Variants in ST8SIA6 observed in about 807,000 individuals in gnomAD.
ST8SIA6 encodes the protein ST8 alpha-N-acetyl-neuraminide alpha-2,8-sialyltransferase 6.
Under a neutral mutation model 33.6 loss-of-function variants are expected in ST8SIA6, and 39 were observed. The observed-to-expected ratio is 1.16, with a 90% CI of 0.90 to 1.52. The LOEUF (loss-of-function observed/expected upper bound fraction) is 1.52. Among genes scored for constraint, ST8SIA6 ranks in the 40% most tolerant of loss-of-function variants. The probability of loss-of-function intolerance (pLI) is 0.00; values close to 1 mark genes in which losing one functional copy is unlikely to be tolerated. For missense variants in ST8SIA6, 441 were observed against 443.8 expected (o/e 0.99, Z 0.06); for synonymous variants, 172 against 167.2 (o/e 1.03, Z -0.22).
chr10:17,374,204 G>A, intron 3 of ST8SIA6, among the ~76,000 whole-genome samples: 1 of 126,352 alleles, frequency 7.9e-6, no homozygotes. Flanking sequence ...TTAAACTGAG[G>A]GAGTTAAAAA....
chr10:17,380,976 T>C (rs1411116657), intron 3 of ST8SIA6, among the ~76,000 whole-genome samples: 4 of 133,770 alleles, frequency 3.0e-5, no homozygotes, highest in Middle Eastern at 3.6e-3. Context: ...GCCTTCATGT[T>C]TTGAGGGGTT....
intron 4 of ST8SIA6, among the ~76,000 whole-genome samples, chr10:17,339,780 A>G (rs1213537021): frequency 1.3e-5 from 2 of 152,252 alleles, no homozygotes; most frequent in African/African-American, 4.8e-5. Flanking sequence ...TGCAATTAAT[A>G]TTCTCATTTT....
chr10:17,427,035 C>T (rs550775235), intron 2 of ST8SIA6, among the ~76,000 whole-genome samples: 11 of 147,216 alleles, frequency 7.5e-5, no homozygotes, highest in Admixed American at 6.9e-4. Flanking sequence ...AACCCGGAGG[C>T]GGAGGTTGCA....
chr10:17,401,144 A>G (rs1019963682), intron 2 of ST8SIA6, among the ~76,000 whole-genome samples: 5 of 152,262 alleles, frequency 3.3e-5, no homozygotes, highest in African/African-American at 1.2e-4. Context: ...TAACAGACAA[A>G]CAGAGAGCCA....
chr10:17,348,403 C>T (rs1196790213), intron 4 of ST8SIA6, among the ~76,000 whole-genome samples: 1 of 152,166 alleles, frequency 6.6e-6, no homozygotes, highest in Admixed American at 6.5e-5. Context: ...ATTTATGCCA[C>T]TGTCTTTTAT....
intron 3 of ST8SIA6, among the ~76,000 whole-genome samples, chr10:17,371,802 A>G (rs1178814281): frequency 7.4e-6 from 1 of 135,902 alleles, no homozygotes; most frequent in African/African-American, 2.8e-5. Context: ...AAAAAAAAAA[A>G]AGAAAGAAAG....
intron 3 of ST8SIA6, among the ~76,000 whole-genome samples, chr10:17,372,262 T>C (rs1234085515): frequency 6.6e-6 from 1 of 152,346 alleles, no homozygotes; most frequent in Non-Finnish European, 1.5e-5. Flanking sequence ...TGGACGCTTG[T>C]GTAAAATAAG....
In ST8SIA6 at chr10:17,370,324, A is replaced by C. The variant is rs147933100; in HGVS notation, c.291-10724T>G. Among the ~76,000 whole-genome samples the C allele has an allele frequency of 6.9e-3, 1,055 of 152,214 alleles. 6 individuals carry two copies. The highest frequency in any genetic ancestry group is 0.011 in the Non-Finnish European group (727 of 68,008). On this transcript the variant is annotated intron_variant, in intron 3 of 7. Transcript: ENST00000377602. ...TTGATTGGGTGATTTAATCCATTCA[A>C]ATTTAATGTTGTTATTTATATAGTT...
At chr10:17,376,697 A>C (rs541235915) in intron 3 of ST8SIA6, among the ~76,000 whole-genome samples, 2 of 152,344 alleles carry the variant, frequency 1.3e-5, no homozygotes, top group East Asian at 1.9e-4. Context: ...TAAGTTTGTC[A>C]TACTAAAAAA....
intron 2 of ST8SIA6, among the ~76,000 whole-genome samples, chr10:17,435,302 T>G (rs1377399402): frequency 5.9e-5 from 9 of 152,118 alleles, no homozygotes; most frequent in Non-Finnish European, 8.8e-5. Flanking sequence ...CCAAGTCCCC[T>G]AAATGTCCAG....
chr10:17,410,139 T>A (rs1300091531), intron 2 of ST8SIA6: 1 of 152,226 alleles, frequency 6.6e-6, no homozygotes, highest in Non-Finnish European at 1.5e-5. Context: ...TTCTAAAGAC[T>A]GTTTGGGGTT....
At chr10:17,330,038 C>T (rs943845577) in intron 5 of ST8SIA6, among the ~76,000 whole-genome samples, 2 of 151,984 alleles carry the variant, frequency 1.3e-5, no homozygotes, top group Non-Finnish European at 2.9e-5. Context: ...ACATTTCCAC[C>T]ACGAGCCCCG....
At chr10:17,375,653 A>G (rs552120347) in intron 3 of ST8SIA6, among the ~76,000 whole-genome samples, 2 of 152,348 alleles carry the variant, frequency 1.3e-5, no homozygotes, top group Admixed American at 1.3e-4. Context: ...TGCAAGGCAG[A>G]TGTTCCAAAT....
At chr10:17,396,588 A>C (rs182723333) in intron 2 of ST8SIA6, among the ~76,000 whole-genome samples, 1 of 152,096 alleles carries the variant, frequency 6.6e-6, no homozygotes, top group African/African-American at 2.4e-5. Context: ...CTCCCCTCTC[A>C]CAAAAGAATA....
At chr10:17,406,643 T>C (rs563892302) in intron 2 of ST8SIA6, among the ~76,000 whole-genome samples, 15 of 152,296 alleles carry the variant, frequency 9.8e-5, no homozygotes, top group African/African-American at 3.4e-4. Flanking sequence ...GCGGCGGTTG[T>C]TACTGTCTTG....
chr10:17,377,632 A>G (rs1052854141), intron 3 of ST8SIA6, among the ~76,000 whole-genome samples: 1 of 152,186 alleles, frequency 6.6e-6, no homozygotes, highest in Non-Finnish European at 1.5e-5. Flanking sequence ...CCTAATGGCA[A>G]CTGCCTAATT....
intron 2 of ST8SIA6, among the ~76,000 whole-genome samples, chr10:17,428,238 G>C (rs1035671094): frequency 6.6e-6 from 1 of 152,148 alleles, no homozygotes; most frequent in South Asian, 2.1e-4. Flanking sequence ...ACCCAGCTGG[G>C]TGTGTCCTGG....
chr10:17,347,359 A>G (rs1395361135), intron 4 of ST8SIA6, among the ~76,000 whole-genome samples: 2 of 152,206 alleles, frequency 1.3e-5, no homozygotes, highest in Non-Finnish European at 2.9e-5. Context: ...AGCAAGGGTC[A>G]TGCAGGGCTT....
Position 17,454,003 on chromosome 10 carries a change from C to A in ST8SIA6, c.101+152G>T, listed in dbSNP as rs377046404. ...GTCGCCTCCCTGCGACCCCCTCCCC[C>A]ACTCCACTCTCAGGCCGTCGCCGCC... On this transcript the variant is annotated intron_variant, in intron 1 of 7. Transcript: ENST00000377602. The surrounding 1 kb of genome is among the most constrained non-coding windows in gnomAD (Gnocchi z 4.1). 32 of 277,612 alleles carry A rather than the reference C, an allele frequency of 1.2e-4. No homozygotes were observed. Among genetic ancestry groups the A allele is most frequent in the African/African-American group, 6.9e-4 (31 of 45,128 alleles). The allele number at this position is 277,612 out of a possible 1,614,324, so 17.2% of individuals were successfully genotyped here.
Sources: allele counts gnomAD v4.1 joint callset (sites outside exome capture counted in the v4.1 genomes callset), GRCh38; gene constraint gnomAD v4.1.1; non-coding constraint Gnocchi (gnomAD v3.1); transcripts MANE v1.5; gene names NCBI Gene and HGNC (gene_info 2026-07-23, HGNC 2026-07-21).